Variants in LOC400499 observed in about 807,000 individuals in gnomAD.
chr16:11,422,768 G>A, the LOC400499 span, among the ~76,000 whole-genome samples: 1 of 152,176 alleles, frequency 6.6e-6, no homozygotes, highest in Non-Finnish European at 1.5e-5. Context: ...CTTCCTGCCT[G>A]CACCCTCGGC....
At chr16:11,485,983 G>A in the LOC400499 span, among the ~76,000 whole-genome samples, 1 of 152,130 alleles carries the variant, frequency 6.6e-6, no homozygotes, top group Non-Finnish European at 1.5e-5. Flanking sequence ...GGGTAGGAGG[G>A]TGGACAGATG....
the LOC400499 span, chr16:11,518,767 A>G: frequency 5.0e-6 from 2 of 397,036 alleles, no homozygotes; most frequent in East Asian, 7.1e-5. Flanking sequence ...TTTGCTACAG[A>G]GAGGTCACCC....
the LOC400499 span, chr16:11,484,906 G>A: frequency 2.0e-5 from 8 of 399,266 alleles, no homozygotes; most frequent in Admixed American, 1.3e-4. Context: ...TCATCCTTCT[G>A]TCTCTGTCTC....
the LOC400499 span, chr16:11,383,572 C>T: frequency 8.2e-7 from 1 of 1,222,174 alleles, no homozygotes. Context: ...GAGAAAGGGA[C>T]TGGTTTTCCC....
chr16:11,379,578 C>A, the LOC400499 span, among the ~76,000 whole-genome samples: 1 of 152,226 alleles, frequency 6.6e-6, no homozygotes, highest in Non-Finnish European at 1.5e-5. Context: ...ATGCAACTGA[C>A]TAACCTGGTG....
At chr16:11,407,970 G>GTTTTTTTTTTTTTTTTTTT in the LOC400499 span, among the ~76,000 whole-genome samples, 4 of 63,456 alleles carry the variant, frequency 6.3e-5, no homozygotes, top group African/African-American at 2.4e-4. Flanking sequence ...TTCCAGAGCT[G>GTTTTTTTTTTTTTTTTTTT]TTTTTTTTTT....
chr16:11,504,001 C>T, the LOC400499 span, among the ~76,000 whole-genome samples: 4 of 152,218 alleles, frequency 2.6e-5, no homozygotes, highest in African/African-American at 9.6e-5. Flanking sequence ...CTGCCCTTGG[C>T]ACCCTGGGTT....
the LOC400499 span, chr16:11,460,362 G>A: frequency 2.4e-6 from 3 of 1,245,904 alleles, no homozygotes; most frequent in African/African-American, 3.0e-5. Flanking sequence ...ATTCCCATAT[G>A]GCTATGTGAT....
chr16:11,421,459 T>C, the LOC400499 span, among the ~76,000 whole-genome samples: 4 of 152,230 alleles, frequency 2.6e-5, no homozygotes, highest in South Asian at 2.1e-4. Flanking sequence ...CGGAGTGCAG[T>C]GGCACAATCT....
the LOC400499 span, among the ~76,000 whole-genome samples, chr16:11,467,918 G>A: frequency 5.1e-3 from 776 of 152,216 alleles, 4 homozygotes; most frequent in South Asian, 0.012. Flanking sequence ...CCCTAATCCC[G>A]TTTGCCTGGT....
At chr16:11,467,853 T>C in the LOC400499 span, among the ~76,000 whole-genome samples, 6 of 152,172 alleles carry the variant, frequency 3.9e-5, no homozygotes, top group African/African-American at 1.2e-4. Flanking sequence ...TGTGACCTTA[T>C]TCGGAAATAG....
chr16:11,487,434 G>A, the LOC400499 span: 32 of 398,594 alleles, frequency 8.0e-5, no homozygotes, highest in African/African-American at 6.2e-4. Context: ...CTCACAGAGT[G>A]GGGTCTGGCT....
the LOC400499 span, among the ~76,000 whole-genome samples, chr16:11,386,288 A>G: frequency 6.6e-6 from 1 of 152,208 alleles, no homozygotes; most frequent in Non-Finnish European, 1.5e-5. Flanking sequence ...AGGAAGCACC[A>G]TCTATGGTGC....
chr16:11,526,031 C>A, the LOC400499 span, among the ~76,000 whole-genome samples: 935 of 152,286 alleles, frequency 6.1e-3, 11 homozygotes, highest in African/African-American at 0.021. Flanking sequence ...CAATTCTGAT[C>A]AGTGTGCATT....
At chr16:11,454,872 TA>T in the LOC400499 span, among the ~76,000 whole-genome samples, 1 of 152,056 alleles carries the variant, frequency 6.6e-6, no homozygotes, top group Non-Finnish European at 1.5e-5. Flanking sequence ...AGAGGAGAAG[TA>T]AAAGGAATTC....
chr16:11,387,359 G>T, the LOC400499 span: 2 of 1,200,936 alleles, frequency 1.7e-6, no homozygotes, highest in Non-Finnish European at 2.1e-6. Flanking sequence ...TGGCTGCAGA[G>T]GGGAGCTTCT....
the LOC400499 span, among the ~76,000 whole-genome samples, chr16:11,496,636 T>C: frequency 2.6e-5 from 4 of 152,218 alleles, no homozygotes; most frequent in Non-Finnish European, 2.9e-5. Flanking sequence ...GTGTGTCCCA[T>C]TGGATGTGTG....
chr16:11,398,845 G>T, the LOC400499 span, among the ~76,000 whole-genome samples: 2 of 151,998 alleles, frequency 1.3e-5, no homozygotes, highest in Non-Finnish European at 2.9e-5. Flanking sequence ...TTCTTTAGTA[G>T]AGATGGGGTT....
At chr16:11,449,788 A>G in the LOC400499 span, among the ~76,000 whole-genome samples, 1 of 152,238 alleles carries the variant, frequency 6.6e-6, no homozygotes, top group Non-Finnish European at 1.5e-5. Flanking sequence ...TGCTTGGGCC[A>G]AGACCTCAGA....
Sources: gnomAD v4.1 joint callset for allele counts (sites outside exome capture counted in the v4.1 genomes callset) on GRCh38, gnomAD v4.1.1 for gene constraint, MANE v1.5 for transcripts.